Variants in GLRA3 observed in about 807,000 individuals in gnomAD.
The protein encoded by GLRA3 is glycine receptor subunit alpha-3.
Under a neutral mutation model 60.4 loss-of-function variants are expected in GLRA3, and 44 were observed. The ratio of observed to expected loss-of-function variants is 0.73; its 90% CI spans 0.57 to 0.94. The LOEUF is 0.94. Among genes scored for constraint, GLRA3 ranks in the 40% least tolerant of loss-of-function variants. The pLI, the probability that GLRA3 is intolerant of heterozygous loss-of-function variation, is 0.00. For synonymous variants in GLRA3, 223 were observed against 192.9 expected (o/e 1.16, Z -1.29); for missense variants, 508 against 564.6 (o/e 0.90, Z 1.02).
intron 2 of GLRA3, among the ~76,000 whole-genome samples, chr4:174,769,026 T>A (rs977460630): frequency 6.6e-6 from 1 of 152,084 alleles, no homozygotes; most frequent in Non-Finnish European, 1.5e-5. Flanking sequence ...TTTGAGTAAA[T>A]TGATCTTACA....
At chr4:174,741,663 C>G (rs1415894768) in intron 3 of GLRA3, among the ~76,000 whole-genome samples, 1 of 152,026 alleles carries the variant, frequency 6.6e-6, no homozygotes, top group African/African-American at 2.4e-5. Flanking sequence ...CGTTACCTAA[C>G]CCAAAGTCAC....
At chr4:174,788,614 A>G (rs1471350486) in intron 2 of GLRA3, among the ~76,000 whole-genome samples, 1 of 145,654 alleles carries the variant, frequency 6.9e-6, no homozygotes, top group African/African-American at 2.6e-5. Flanking sequence ...AAAAAAAAAG[A>G]CATAGCTGGG....
rs1044941663 is a variant in GLRA3, at chr4:174,638,729, C to T, written c.*5057G>A. On this transcript the variant is annotated 3_prime_UTR_variant, in exon 10 of 10. Transcript: ENST00000274093. ...AAGCTTGTGTAAGTTCACACGAATT[C>T]TCTCACTTCTGGAATTTTTTCAATC... 1.2e-4 allele frequency: 18 copies of T among 152,174 alleles called. No individual in the cohort carries two copies. The highest frequency in any genetic ancestry group is 3.9e-4 in the African/African-American group (16 of 41,428). 9.4% of individuals were successfully genotyped at this position (152,174 alleles called of 1,614,324 possible). A position where few individuals can be genotyped will look rare whatever the true frequency, so the allele number is the denominator to read the frequency against.
chr4:174,685,972 C>A (rs1381632202), intron 5 of GLRA3, among the ~76,000 whole-genome samples: 1 of 152,130 alleles, frequency 6.6e-6, no homozygotes, highest in Non-Finnish European at 1.5e-5. Flanking sequence ...TTATGAAATT[C>A]CTTCAAAGAC....
chr4:174,659,300 TAA>T (rs1017304763), intron 7 of GLRA3, 103 bp from the exon 8 acceptor site: 23 of 790,138 alleles, frequency 2.9e-5, no homozygotes, highest in Non-Finnish European at 3.5e-5. Context: ...CATTTATACA[TAA>T]GTTTTAAAAA....
At chr4:174,802,147 G>T (rs1354197790) in intron 1 of GLRA3, among the ~76,000 whole-genome samples, 1 of 151,926 alleles carries the variant, frequency 6.6e-6, no homozygotes, top group Non-Finnish European at 1.5e-5. Context: ...ACTAGAGAAG[G>T]TCTAACCTTT....
intron 1 of GLRA3, among the ~76,000 whole-genome samples, chr4:174,798,102 C>T (rs1440424760): frequency 6.6e-6 from 1 of 152,034 alleles, no homozygotes; most frequent in Non-Finnish European, 1.5e-5. Flanking sequence ...AGAAACATAA[C>T]GTGGGTTTGA....
chr4:174,674,938 T>C (rs1480087653), intron 7 of GLRA3, among the ~76,000 whole-genome samples: 1 of 152,164 alleles, frequency 6.6e-6, no homozygotes, highest in Non-Finnish European at 1.5e-5. Flanking sequence ...TAAAGAGATT[T>C]TCTACTCTTT....
intron 3 of GLRA3, among the ~76,000 whole-genome samples, chr4:174,735,685 C>T (rs1736757538): frequency 6.6e-6 from 1 of 152,094 alleles, no homozygotes; most frequent in African/African-American, 2.4e-5. Flanking sequence ...CTCAGCCTCC[C>T]AAGTAGCTGG....
intron 8 of GLRA3, among the ~76,000 whole-genome samples, chr4:174,658,174 GC>G (rs1733287825): frequency 6.6e-6 from 1 of 152,140 alleles, no homozygotes; most frequent in Non-Finnish European, 1.5e-5. Flanking sequence ...TGACAAATAT[GC>G]CAGGATATTG....
At chr4:174,789,181 C>A (rs1176750679) in intron 1 of GLRA3, among the ~76,000 whole-genome samples, 1 of 152,062 alleles carries the variant, frequency 6.6e-6, no homozygotes, top group Non-Finnish European at 1.5e-5. Context: ...TGTATTAGAC[C>A]TGAAAACAAA....
intron 1 of GLRA3, among the ~76,000 whole-genome samples, chr4:174,797,960 C>T (rs1212803460): frequency 6.6e-6 from 1 of 151,746 alleles, no homozygotes; most frequent in Non-Finnish European, 1.5e-5. Context: ...AAAATATATT[C>T]ACTCACTTTT....
chr4:174,791,120 A>G (rs7671067), intron 1 of GLRA3, among the ~76,000 whole-genome samples: 22,832 of 152,036 alleles, frequency 0.15, 2,241 homozygotes, highest in East Asian at 0.42. Context: ...ATGCAACAAC[A>G]TGTAAGGATA....
At chr4:174,653,722 C>T (rs868614648) in intron 9 of GLRA3, among the ~76,000 whole-genome samples, 3 of 151,876 alleles carry the variant, frequency 2.0e-5, no homozygotes, top group South Asian at 2.1e-4. Flanking sequence ...CTTATAATTA[C>T]GGAGTGACAT....
rs540292778 is a variant in GLRA3 at position 174,747,851 on chromosome 4, A to G, written c.267+19112T>C. 2.3e-5 allele frequency among the ~76,000 whole-genome samples: 3 copies of G among 132,260 alleles called. No homozygotes were observed. The South Asian group carries it at 7.7e-4, about 34-fold the overall frequency. 86.8% of individuals were successfully genotyped at this position (132,260 alleles called of 152,430 possible). ...TGATTAGACTACTGTGTCAGTGTAC[A>G]GTTAATCTTGCCTTTAACATTATAG... On this transcript the variant is annotated intron_variant, in intron 3 of 9. Coordinates refer to ENST00000274093, the MANE Select transcript of GLRA3 (RefSeq NM_006529.4).
At chr4:174,828,600 C>T in intron 1 of GLRA3, 141 bp downstream of exon 1, 1 of 625,512 alleles carries the variant, frequency 1.6e-6, no homozygotes, top group Non-Finnish European at 2.9e-6. Context: ...ATAATTTAGA[C>T]AGAAAACAAT....
chr4:174,692,529 C>T (rs1734890272), intron 5 of GLRA3, among the ~76,000 whole-genome samples: 3 of 150,138 alleles, frequency 2.0e-5, no homozygotes, highest in Non-Finnish European at 3.0e-5. Context: ...ATTGAGAAAT[C>T]GGATGGTTGC....
At chr4:174,801,405 A>G (rs1023532736) in intron 1 of GLRA3, among the ~76,000 whole-genome samples, 7 of 152,094 alleles carry the variant, frequency 4.6e-5, no homozygotes, top group Non-Finnish European at 1.0e-4. Flanking sequence ...ACTACAGACT[A>G]TTGGGTCCAA....
chr4:174,772,605 C>G (rs556742105), intron 2 of GLRA3, among the ~76,000 whole-genome samples: 1 of 152,178 alleles, frequency 6.6e-6, no homozygotes, highest in South Asian at 2.1e-4. Context: ...ATAAGAATAA[C>G]TTAAAATTTT....
Sources: allele counts gnomAD v4.1 joint callset (sites outside exome capture counted in the v4.1 genomes callset), GRCh38; gene constraint gnomAD v4.1.1; transcripts MANE v1.5; gene names NCBI Gene and HGNC (gene_info 2026-07-23, HGNC 2026-07-21).